The following GIMAP8 variants were observed in gnomAD, a reference collection of about 807,000 sequenced individuals.
GIMAP8 encodes the protein GTPase, IMAP family member 8.
GIMAP8 carries 29 observed loss-of-function variants against 35.6 expected under a neutral mutation model. That is an observed-to-expected ratio of 0.81 (90% CI 0.61 to 1.11). The LOEUF (loss-of-function observed/expected upper bound fraction) is 1.11. GIMAP8 is among the 50% of genes most tolerant of loss of function. The pLI is 0.00. For missense variants in GIMAP8, 811 were observed against 805.0 expected, an observed-to-expected ratio of 1.01 and a Z score of -0.09; for synonymous variants, 335 against 308.7, an observed-to-expected ratio of 1.09 and a Z score of -0.89.
At chr7:150,460,277 C>T (rs113291950) in intron 1 of GIMAP8, among the ~76,000 whole-genome samples, 164 of 152,284 alleles carry the variant, frequency 1.1e-3, no homozygotes, top group African/African-American at 3.6e-3. Flanking sequence ...GCTGAAGTCA[C>T]CCTTTGGTAA....
rs1802282037 is a variant in GIMAP8 at position 150,478,112 on chromosome 7, A to G, written c.*332A>G. The G allele has an allele frequency of 3.3e-6, 1 of 305,286 alleles. No homozygotes were observed. The highest frequency in any genetic ancestry group is 2.1e-5 in the African/African-American group (1 of 46,814). 18.9% of individuals were successfully genotyped at this position (305,286 alleles called of 1,614,324 possible). On this transcript the variant is annotated 3_prime_UTR_variant, in exon 5 of 5. Coordinates refer to ENST00000307271, the MANE Select transcript of GIMAP8 (RefSeq NM_175571.4). ...GGTTGGAATCAGGATAGACACTGTGATCAAGGCTGAGGCCACCTGGGATGA... is the reference window on the plus strand; with the variant it reads ...GGTTGGAATCAGGATAGACACTGTGGTCAAGGCTGAGGCCACCTGGGATGA...
intron 1 of GIMAP8, among the ~76,000 whole-genome samples, chr7:150,456,380 A>G (rs183073329): frequency 9.2e-4 from 140 of 152,268 alleles, no homozygotes; most frequent in African/African-American, 3.2e-3. Context: ...AGCCACCTTC[A>G]TCCCCTCAAC....
intron 1 of GIMAP8, among the ~76,000 whole-genome samples, chr7:150,460,748 A>G (rs1469635499): frequency 6.6e-6 from 1 of 152,262 alleles, no homozygotes; most frequent in African/African-American, 2.4e-5. Context: ...AGGAGTAGGT[A>G]TCATGGGCAT....
rs560046482 is a variant in GIMAP8 at position 150,477,839 on chromosome 7, C to T, written c.*59C>T. On this transcript the variant is annotated 3_prime_UTR_variant, in exon 5 of 5. Coordinates refer to ENST00000307271, the MANE Select transcript of GIMAP8 (RefSeq NM_175571.4). ...GACACCCTCAGGTTGGGGGGAGGGG[C>T]GGGGCATGGTACAACCTGTGGGAAG... 2 of 1,396,936 alleles carry T rather than the reference C, an allele frequency of 1.4e-6. No individual in the cohort carries two copies. The highest frequency in any genetic ancestry group is 2.6e-5 in the South Asian group (2 of 76,712). 86.5% of individuals were successfully genotyped at this position (1,396,936 alleles called of 1,614,324 possible).
At chr7:150,457,725 A>G (rs1198178376) in intron 1 of GIMAP8, among the ~76,000 whole-genome samples, 2 of 152,264 alleles carry the variant, frequency 1.3e-5, no homozygotes, top group Non-Finnish European at 2.9e-5. Context: ...GAAAAAATGT[A>G]AAACGTAAAC....
At chr7:150,477,035 A>C in intron 4 of GIMAP8, 57 bp from the exon 5 acceptor site, 1 of 1,401,926 alleles carries the variant, frequency 7.1e-7, no homozygotes, top group Non-Finnish European at 9.9e-7. Context: ...GGATAACTTT[A>C]AAATCCAATT....
intron 1 of GIMAP8, among the ~76,000 whole-genome samples, chr7:150,452,643 A>ATG (rs1158442653): frequency 3.2e-5 from 4 of 126,904 alleles, no homozygotes; most frequent in Non-Finnish European, 6.2e-5. Context: ...ATGTATATAT[A>ATG]TGTGTGTATA....
At chr7:150,452,995 G>A (rs1424908800) in intron 1 of GIMAP8, among the ~76,000 whole-genome samples, 2 of 151,856 alleles carry the variant, frequency 1.3e-5, no homozygotes, top group African/African-American at 4.8e-5. Context: ...TACATGCCAG[G>A]CACAATGTTA....
At chr7:150,466,326 T>A (rs1396578538) in intron 1 of GIMAP8, among the ~76,000 whole-genome samples, 1 of 152,202 alleles carries the variant, frequency 6.6e-6, no homozygotes, top group Non-Finnish European at 1.5e-5. Flanking sequence ...GAGATCTGTA[T>A]TTTTTAAACA....
At chr7:150,476,758 C>T (rs1420091072) in intron 4 of GIMAP8, among the ~76,000 whole-genome samples, 1 of 152,090 alleles carries the variant, frequency 6.6e-6, no homozygotes, top group African/African-American at 2.4e-5. Context: ...GTAAGAAGGC[C>T]AGGGGACACT....
At position 150,477,840 on chromosome 7, in the gene GIMAP8, G is replaced by A. The variant is rs964650729; in HGVS notation, c.*60G>A. The A allele has an allele frequency of 9.4e-6, 13 of 1,389,340 alleles. No individual in the cohort carries two copies. Among genetic ancestry groups the A allele is most frequent in the Admixed American group, 4.0e-5 (2 of 50,442 alleles). The allele number at this position is 1,389,340 out of a possible 1,614,324, so 86.1% of individuals were successfully genotyped here. On this transcript the variant is annotated 3_prime_UTR_variant, in exon 5 of 5. Transcript: ENST00000307271. ...ACACCCTCAGGTTGGGGGGAGGGGC[G>A]GGGCATGGTACAACCTGTGGGAAGG...
intron 1 of GIMAP8, among the ~76,000 whole-genome samples, chr7:150,454,092 A>G (rs887104462): frequency 1.3e-5 from 2 of 152,176 alleles, no homozygotes; most frequent in African/African-American, 2.4e-5. Flanking sequence ...GCCCCAGTTC[A>G]GATGAACAGC....
Position 150,466,846 on chromosome 7 carries a change from C to T in GIMAP8, c.148C>T (p.Gln50Ter), listed in dbSNP as rs1563283767. The T allele has an allele frequency of 6.2e-7, 1 of 1,614,228 alleles. No individual in the cohort carries two copies. Among genetic ancestry groups the T allele is most frequent in the South Asian group, 1.1e-5 (1 of 91,088 alleles). The change falls in exon 2 of 5, where the codon CAG (glutamine) becomes TAG (stop). Residue 50 changes from glutamine to a stop codon, truncating the protein, a stop_gained. Transcript: ENST00000307271. LOFTEE classifies it high-confidence loss of function. The part of the protein sequence containing the change: ...FSDQTVIKMC[Q>*]RESWVLRERK... The stretch of plus-strand genomic sequence containing the variant: ...TGATCAGACAGTGATCAAAATGTGC[C>T]AGAGAGAGAGTTGGGTCCTGAGAGA...
rs751000509 is a variant in GIMAP8 at position 150,467,229 on chromosome 7, G to A, written c.531G>A (p.Glu177=). Residue 177 remains glutamate (E), a synonymous_variant, in exon 2 of 5, where the codon GAG becomes GAA. Coordinates refer to ENST00000307271, the MANE Select transcript of GIMAP8 (RefSeq NM_175571.4). ...ACAACAAGACCAATAGTAAGGATGA[G>A]CAGATCACCCAGGTGTTGGAGCTCC... ...IFNNKTNSKD[E]QITQVLELLR... is the part of the protein sequence containing the mutation. 5.0e-6 allele frequency: 8 copies of A among 1,614,118 alleles called. No homozygotes were observed. The highest frequency in any genetic ancestry group is 6.8e-6 in the Non-Finnish European group (8 of 1,180,040).
intron 1 of GIMAP8, among the ~76,000 whole-genome samples, chr7:150,466,033 ATACCCACCACATCATGCTTCTCTGT>A (rs1446495798): frequency 6.6e-6 from 1 of 152,236 alleles, no homozygotes; most frequent in Non-Finnish European, 1.5e-5. Flanking sequence ...GACCATGGTC[ATACCCACCACATCATGCTTCTCTGT>A]TAACTTCACC....
At chr7:150,461,865 C>T (rs754262191) in intron 1 of GIMAP8, among the ~76,000 whole-genome samples, 36 of 152,324 alleles carry the variant, frequency 2.4e-4, no homozygotes, top group African/African-American at 8.4e-4. Flanking sequence ...TTTTGTCTCA[C>T]ATGTCCATGT....
intron 1 of GIMAP8, among the ~76,000 whole-genome samples, chr7:150,460,223 G>C (rs1458492792): frequency 6.6e-6 from 1 of 152,166 alleles, no homozygotes; most frequent in Non-Finnish European, 1.5e-5. Context: ...CACAGAATGG[G>C]TCATTTTATC....
At chr7:150,455,970 G>T (rs546709630) in intron 1 of GIMAP8, among the ~76,000 whole-genome samples, 1 of 152,174 alleles carries the variant, frequency 6.6e-6, no homozygotes, top group African/African-American at 2.4e-5. Flanking sequence ...TGACCTTATT[G>T]CCCCATACTA....
At chr7:150,466,364 T>C (rs1244474721) in intron 1 of GIMAP8, among the ~76,000 whole-genome samples, 1 of 152,152 alleles carries the variant, frequency 6.6e-6, no homozygotes, top group African/African-American at 2.4e-5. Context: ...ATTATGAGAT[T>C]TCCTTCAACT....
Sources: gnomAD v4.1 joint callset for allele counts (sites outside exome capture counted in the v4.1 genomes callset) on GRCh38, gnomAD v4.1.1 for gene constraint, MANE v1.5 for transcripts, NCBI Gene and HGNC (gene_info 2026-07-23, HGNC 2026-07-21) for gene names.